Variants in SPART observed in about 807,000 individuals in gnomAD.
SPART encodes spastic paraplegia 20 (Troyer syndrome).
In SPART, 35 loss-of-function variants were observed where a neutral mutation model predicts 58.7. The ratio of observed to expected loss-of-function variants is 0.60; its 90% CI spans 0.46 to 0.79. SPART has a LOEUF of 0.79. Ranked by LOEUF, SPART falls within the 30% of genes least tolerant of loss-of-function variation. The probability of loss-of-function intolerance (pLI) is 0.00; values close to 1 mark genes in which losing one functional copy is unlikely to be tolerated. For missense variants in SPART, 730 were observed against 786.1 expected (o/e 0.93, Z 0.85); for synonymous variants, 284 against 280.7 (o/e 1.01, Z -0.12).
At chr13:36,334,894 T>C in intron 2 of SPART, 127 bp downstream of exon 2, 1 of 745,868 alleles carries the variant, frequency 1.3e-6, no homozygotes, top group Middle Eastern at 3.0e-4. Flanking sequence ...TCATGGAATA[T>C]ATTTAAAAAC....
chr13:36,329,301 A>G (rs1883239121), intron 4 of SPART, 61 bp downstream of exon 4: 10 of 1,583,300 alleles, frequency 6.3e-6, no homozygotes, highest in Non-Finnish European at 7.8e-6. Context: ...ATATAAATAC[A>G]TGAAACTGGA....
chr13:36,331,546 T>C lies in SPART; in HGVS notation c.861A>G (p.Lys287=). 1 of 1,614,036 alleles carries C rather than the reference T, an allele frequency of 6.2e-7. No homozygotes were observed. Among genetic ancestry groups the C allele is most frequent in the Non-Finnish European group, 8.5e-7 (1 of 1,180,006 alleles). The change falls in exon 3 of 9, where the codon AAA becomes AAG. Residue 287 remains lysine (K), a synonymous_variant. Coordinates refer to ENST00000438666, the MANE Select transcript of SPART (RefSeq NM_015087.5). ...GAAACATGTAGGCTCCCGCAGTACA[T>C]TTCAGAACCGGAGATCTATCAGGAA... ...PLVPDRSPVL[K]CTAGAYMFPD...
intron 3 of SPART, among the ~76,000 whole-genome samples, chr13:36,329,859 G>A (rs1028228152): frequency 6.6e-6 from 1 of 152,128 alleles, no homozygotes; most frequent in Admixed American, 6.6e-5. Flanking sequence ...ATGTACAAGA[G>A]AAAGTGAATT....
intron 1 of SPART, among the ~76,000 whole-genome samples, chr13:36,338,153 T>C (rs1884203669): frequency 6.6e-6 from 1 of 152,174 alleles, no homozygotes; most frequent in South Asian, 2.1e-4. Context: ...CTTATCTCCC[T>C]TGGATAAGGG....
chr13:36,344,112 A>G (rs767356581), intron 1 of SPART, among the ~76,000 whole-genome samples: 5 of 152,120 alleles, frequency 3.3e-5, no homozygotes, highest in Non-Finnish European at 7.4e-5. Flanking sequence ...TTCCAAATCT[A>G]AAAGTCCTAC....
intron 1 of SPART, among the ~76,000 whole-genome samples, chr13:36,354,003 A>C (rs950478636): frequency 6.6e-6 from 1 of 152,226 alleles, no homozygotes; most frequent in African/African-American, 2.4e-5. Flanking sequence ...TTTCTCACAG[A>C]CTTTATGAAG....
rs150945162 is a variant in SPART at position 36,335,825 on chromosome 13, C to T, written c.6G>A (p.Glu2=). The T allele has an allele frequency of 2.0e-5, 33 of 1,611,360 alleles. No individual in the cohort carries two copies. Among genetic ancestry groups the T allele is most frequent in the Non-Finnish European group, 2.7e-5 (32 of 1,179,890 alleles). Residue 2 remains glutamate, a synonymous_variant, in exon 2 of 9, where the codon GAG becomes GAA. Coordinates refer to ENST00000438666, the MANE Select transcript of SPART (RefSeq NM_015087.5). ...CAGGTTCTCCATTTTGTGGCTCTTG[C>T]TCCATTTCTGCAAAATTGGAGACAT... M[E]QEPQNGEPAE... is the part of the protein sequence containing the mutation.
chr13:36,369,808 A>G (rs1298076713), intron 1 of SPART, among the ~76,000 whole-genome samples: 1 of 152,222 alleles, frequency 6.6e-6, no homozygotes, highest in African/African-American at 2.4e-5. Context: ...TGTGCAAGGC[A>G]GTGAACTCCA....
intron 1 of SPART, among the ~76,000 whole-genome samples, chr13:36,362,350 C>A (rs1036860418): frequency 2.4e-5 from 1 of 42,190 alleles, no homozygotes; most frequent in Admixed American, 2.6e-4. Context: ...AGACTTCCAT[C>A]TCAAAAAAAA....
intron 1 of SPART, among the ~76,000 whole-genome samples, chr13:36,337,378 C>T (rs1114529): frequency 0.99 from 150,658 of 152,264 alleles, 74,547 homozygotes; most frequent in East Asian, 1. Context: ...TCACCTTGAA[C>T]TGTAATACCC....
chr13:36,367,454 C>T (rs9315413), intron 1 of SPART, among the ~76,000 whole-genome samples: 25,120 of 152,090 alleles, frequency 0.17, 2,312 homozygotes, highest in Non-Finnish European at 0.2. Context: ...CTCCTCCAGC[C>T]TCTGCATATA....
chr13:36,343,658 T>C (rs1884782359), intron 1 of SPART, among the ~76,000 whole-genome samples: 1 of 152,202 alleles, frequency 6.6e-6, no homozygotes, highest in African/African-American at 2.4e-5. Flanking sequence ...AGCAAAGATA[T>C]AATGGACATG....
Position 36,335,442 on chromosome 13 carries a change from T to C in SPART, c.389A>G (p.Gln130Arg), listed in dbSNP as rs772141439. The change falls in exon 2 of 9, where the codon CAG (glutamine) becomes CGG (arginine). Residue 130 changes from glutamine (Q) to arginine (R), a missense_variant. Coordinates refer to ENST00000438666, the MANE Select transcript of SPART (RefSeq NM_015087.5). The part of the protein sequence containing the change: ...KDMCEKLPEP[Q>R]SFSSAPQHAE... The stretch of plus-strand genomic sequence containing the variant: ...ATGCTGAGGAGCTGAACTAAAAGAC[T>C]GAGGCTCTGGTAATTTTTCACACAT... 1.2e-6 allele frequency: 2 copies of C among 1,614,044 alleles called. No homozygotes were observed.
At position 36,365,712 on chromosome 13, in the gene SPART, C is replaced by CT. The variant is rs553095493; in HGVS notation, c.-3+4376dup. 773 of 394,894 alleles carry CT rather than the reference C, an allele frequency of 2.0e-3. 4 individuals carry two copies. The highest frequency in any genetic ancestry group is 0.014 in the African/African-American group (666 of 47,030). The allele number at this position is 394,894 out of a possible 1,614,324, so 24.5% of individuals were successfully genotyped here. ...GATGCCTTTAGAACAATGACCATAT[C>CT]TTTTTTTATCTCCATAGCTCCAGCA... is the stretch of plus-strand genomic sequence containing the variant. On this transcript the variant is annotated intron_variant, in intron 1 of 8. Coordinates refer to the SPART transcript ENST00000355182.
chr13:36,320,534 G>A (rs1025298554), intron 5 of SPART, among the ~76,000 whole-genome samples: 2 of 152,008 alleles, frequency 1.3e-5, no homozygotes, highest in Non-Finnish European at 2.9e-5. Flanking sequence ...CCTTTCCATC[G>A]TGGAAATCTA....
At chr13:36,308,202 G>C (rs971811609) in intron 8 of SPART, among the ~76,000 whole-genome samples, 2 of 152,038 alleles carry the variant, frequency 1.3e-5, no homozygotes, top group African/African-American at 4.8e-5. Context: ...AGTTATTACT[G>C]GTTCAATACT....
intron 1 of SPART, among the ~76,000 whole-genome samples, chr13:36,363,001 T>G (rs9547457): frequency 0.32 from 48,182 of 151,854 alleles, 7,968 homozygotes; most frequent in African/African-American, 0.39. Flanking sequence ...TGCATACACA[T>G]CCTCTGAATA....
At chr13:36,326,271 A>C (rs1395298873) in intron 5 of SPART, 1 of 364,738 alleles carries the variant, frequency 2.7e-6, no homozygotes, top group Non-Finnish European at 5.2e-6. Flanking sequence ...AGGGAGCTTC[A>C]AAGGGGAAAC....
At chr13:36,305,085 C>G (rs557901215) in intron 8 of SPART, among the ~76,000 whole-genome samples, 1 of 152,180 alleles carries the variant, frequency 6.6e-6, no homozygotes, top group African/African-American at 2.4e-5. Flanking sequence ...TTGAGTTAAT[C>G]TTTAAACAGA....
Sources: gnomAD v4.1 joint callset for allele counts (sites outside exome capture counted in the v4.1 genomes callset) on GRCh38, gnomAD v4.1.1 for gene constraint, MANE v1.5 for transcripts, NCBI Gene and HGNC (gene_info 2026-07-23, HGNC 2026-07-21) for gene names.